ELF2: variants seen among roughly 807,000 people sequenced by gnomAD.
ELF2 encodes E74 like ETS transcription factor 2, also known as ETS-related transcription factor Elf-2.
In ELF2, 11 loss-of-function variants were observed where a neutral mutation model predicts 54.8. That is an observed-to-expected ratio of 0.20 (90% CI 0.13 to 0.33). The LOEUF is 0.33. ELF2 is among the 10% of genes least tolerant of loss of function. ELF2 has a pLI of 1.00. For synonymous variants in ELF2, 203 were observed against 245.1 expected (o/e 0.83, Z 1.61); for missense variants, 513 against 703.0 (o/e 0.73, Z 3.06).
chr4:139,108,164 T>C (rs912517387), intron 4 of ELF2, among the ~76,000 whole-genome samples: 2 of 152,180 alleles, frequency 1.3e-5, no homozygotes, highest in African/African-American at 2.4e-5. Context: ...AAACTTATAC[T>C]AGCAGCAGTA....
intron 4 of ELF2, among the ~76,000 whole-genome samples, chr4:139,109,549 C>T (rs1450733262): frequency 6.6e-6 from 1 of 152,146 alleles, no homozygotes; most frequent in Non-Finnish European, 1.5e-5. Context: ...TCTTTAGAAT[C>T]ACATTTGCAT....
chr4:139,164,386 A>T (rs1560887621), intron 1 of ELF2, among the ~76,000 whole-genome samples: 1 of 152,232 alleles, frequency 6.6e-6, no homozygotes. Context: ...CTGTAGTCCC[A>T]GCACTTTGGG....
chr4:139,124,171 C>CGTG (rs2148833970), intron 4 of ELF2, among the ~76,000 whole-genome samples: 1 of 152,290 alleles, frequency 6.6e-6, no homozygotes, highest in East Asian at 1.9e-4. Flanking sequence ...CACCACCACA[C>CGTG]CCAGCTTGGC....
intron 4 of ELF2, among the ~76,000 whole-genome samples, chr4:139,074,320 T>C (rs1176399390): frequency 6.6e-6 from 1 of 152,190 alleles, no homozygotes; most frequent in Admixed American, 6.5e-5. Context: ...TTTTGATGTA[T>C]TGCCATTAAA....
chr4:139,101,914 C>T (rs1192333431), intron 4 of ELF2: 2 of 142,376 alleles, frequency 1.4e-5, no homozygotes, highest in African/African-American at 2.6e-5. Context: ...TTTTTCCAAA[C>T]AAAATGAAAA....
At chr4:139,155,582 AAATAAT>A (rs1055810622) in intron 1 of ELF2, 1 of 152,182 alleles carries the variant, frequency 6.6e-6, no homozygotes, top group Non-Finnish European at 1.5e-5. Flanking sequence ...GCATCTCTAC[AAATAAT>A]AATAATAAAT....
intron 7 of ELF2, among the ~76,000 whole-genome samples, chr4:139,063,855 T>TAAAA (rs560449723): frequency 6.9e-6 from 1 of 145,278 alleles, no homozygotes; most frequent in Non-Finnish European, 1.5e-5. Flanking sequence ...TCTGGGCAAG[T>TAAAA]AAAAAAAAAA....
chr4:139,061,224 C>T (rs1265610299), intron 8 of ELF2, among the ~76,000 whole-genome samples: 2 of 148,820 alleles, frequency 1.3e-5, no homozygotes, highest in African/African-American at 5.0e-5. Flanking sequence ...ACCCAGGCTG[C>T]AGTGCAATGG....
intron 4 of ELF2, among the ~76,000 whole-genome samples, chr4:139,092,967 T>G (rs1400021944): frequency 2.1e-5 from 3 of 141,680 alleles, no homozygotes; most frequent in Non-Finnish European, 4.6e-5. Context: ...AGTAAATAAT[T>G]TTTTTTTTTT....
intron 4 of ELF2, among the ~76,000 whole-genome samples, chr4:139,105,532 A>G (rs188663008): frequency 5.2e-4 from 79 of 152,348 alleles, no homozygotes; most frequent in African/African-American, 1.8e-3. Context: ...AATTTTAACA[A>G]TGGCAGAAAC....
chr4:139,086,351 T>G (rs933886692), intron 4 of ELF2, among the ~76,000 whole-genome samples: 1 of 152,176 alleles, frequency 6.6e-6, no homozygotes, highest in Non-Finnish European at 1.5e-5. Context: ...TGGAATCATA[T>G]AGTTTAGGAG....
intron 1 of ELF2, among the ~76,000 whole-genome samples, chr4:139,172,349 C>A (rs894638144): frequency 6.6e-6 from 1 of 152,160 alleles, no homozygotes; most frequent in African/African-American, 2.4e-5. Context: ...AAATAATCTA[C>A]GTTTTAAATT....
chr4:139,083,927 G>A (rs1578743440), intron 4 of ELF2, among the ~76,000 whole-genome samples: 1 of 152,168 alleles, frequency 6.6e-6, no homozygotes, highest in Non-Finnish European at 1.5e-5. Context: ...CGCCGGATTC[G>A]AGGCAGGTTA....
At chr4:139,094,057 C>T (rs1443555888) in intron 4 of ELF2, among the ~76,000 whole-genome samples, 13 of 151,984 alleles carry the variant, frequency 8.6e-5, no homozygotes, top group African/African-American at 3.1e-4. Context: ...TGCCACCATG[C>T]CTGGCTAATT....
intron 4 of ELF2, among the ~76,000 whole-genome samples, chr4:139,114,465 A>G (rs1256538898): frequency 6.6e-6 from 1 of 151,726 alleles, no homozygotes; most frequent in Non-Finnish European, 1.5e-5. Context: ...GTTACTCAGG[A>G]GGCTGAGGCA....
At chr4:139,162,084 A>G (rs186235301) in intron 1 of ELF2, among the ~76,000 whole-genome samples, 43 of 152,182 alleles carry the variant, frequency 2.8e-4, no homozygotes, top group African/African-American at 1.0e-3. Flanking sequence ...ACAGAGCGAG[A>G]CTCCGTCTCA....
chr4:139,177,452 C>T (rs983574888), upstream of ELF2, among the ~76,000 whole-genome samples: 14 of 151,784 alleles, frequency 9.2e-5, no homozygotes, highest in Non-Finnish European at 1.9e-4. Context: ...GCCCCGCCGC[C>T]CTCGGGCCCC....
chr4:139,082,516 G>C (rs1228261102), intron 4 of ELF2, among the ~76,000 whole-genome samples: 1 of 152,080 alleles, frequency 6.6e-6, no homozygotes, highest in Non-Finnish European at 1.5e-5. Flanking sequence ...ACATTTTATA[G>C]AATAAAAGAC....
chr4:139,117,176 G>A lies in ELF2; in HGVS notation c.238+7988C>T, dbSNP rs1218109500. ...CCCAGTGGTCAGAAGACAGAAGTAG[G>A]AAGCTACCAACCAGACCACTTGACA... is the stretch of plus-strand genomic sequence containing the variant. On this transcript the variant is annotated intron_variant, in intron 4 of 9. Transcript: ENST00000686138. Among the ~76,000 whole-genome samples, 3 of 152,148 alleles carry A rather than the reference G, an allele frequency of 2.0e-5. No homozygotes were observed. The East Asian group carries it at 5.8e-4, about 29-fold the overall frequency.
Sources: gnomAD v4.1 joint callset for allele counts (sites outside exome capture counted in the v4.1 genomes callset) on GRCh38, gnomAD v4.1.1 for gene constraint, MANE v1.5 for transcripts, NCBI Gene and HGNC (gene_info 2026-07-23, HGNC 2026-07-21) for gene names.